The following UBAP1 variants were observed in gnomAD, a reference collection of about 807,000 sequenced individuals.
UBAP1 encodes ubiquitin-associated protein 1.
UBAP1 carries 5 observed loss-of-function variants against 39.0 expected under a neutral mutation model. The observed-to-expected ratio is 0.13, with a 90% CI of 0.07 to 0.27. UBAP1 has a LOEUF of 0.27. UBAP1 is among the 10% of genes least tolerant of loss of function. The pLI, the probability that UBAP1 is intolerant of heterozygous loss-of-function variation, is 1.00. For missense variants in UBAP1, 490 were observed against 608.1 expected (o/e 0.81, Z 2.04); for synonymous variants, 211 against 225.1 (o/e 0.94, Z 0.56).
At chr9:34,212,304 C>T (rs1832059905) in intron 1 of UBAP1, among the ~76,000 whole-genome samples, 1 of 151,594 alleles carries the variant, frequency 6.6e-6, no homozygotes, top group Non-Finnish European at 1.5e-5. Context: ...GTAATCCTAG[C>T]ACTTTGGGAG....
intron 1 of UBAP1, among the ~76,000 whole-genome samples, chr9:34,179,867 A>T (rs973406230): frequency 6.6e-6 from 1 of 152,240 alleles, no homozygotes; most frequent in South Asian, 2.1e-4. Context: ...TATTTGAGCT[A>T]TATCAGTGAT....
At chr9:34,194,366 G>A (rs1830903702) in intron 1 of UBAP1, among the ~76,000 whole-genome samples, 1 of 151,090 alleles carries the variant, frequency 6.6e-6, no homozygotes, top group African/African-American at 2.4e-5. Context: ...CCTGGCTGGA[G>A]TGCAGTGGCA....
Position 34,252,221 on chromosome 9 carries a change from T to G in UBAP1, c.*689T>G, listed in dbSNP as rs1047142303. On this transcript the variant is annotated 3_prime_UTR_variant, in exon 7 of 7. Transcript: ENST00000297661. ...TAGAGCCCCTGCTCTAGGAAACAGT[T>G]TAAGAAATCATTGGCCCCTTCCCAG... 1 of 152,590 alleles carries G rather than the reference T, an allele frequency of 6.6e-6. No homozygotes were observed. The highest frequency in any genetic ancestry group is 2.4e-5 in the African/African-American group (1 of 41,430). 9.5% of individuals were successfully genotyped at this position (152,590 alleles called of 1,614,324 possible).
intron 1 of UBAP1, among the ~76,000 whole-genome samples, chr9:34,219,025 C>T (rs925164566): frequency 3.9e-5 from 6 of 152,186 alleles, no homozygotes; most frequent in African/African-American, 1.4e-4. Flanking sequence ...AAATTTAATT[C>T]TCCATGAACT....
At chr9:34,225,644 G>T (rs981457246) in intron 2 of UBAP1, among the ~76,000 whole-genome samples, 13 of 151,880 alleles carry the variant, frequency 8.6e-5, no homozygotes, top group Admixed American at 7.2e-4. Flanking sequence ...GCCGAGCATG[G>T]TGGCTGGTGC....
At chr9:34,204,528 T>C (rs1236546226) in intron 1 of UBAP1, among the ~76,000 whole-genome samples, 2 of 151,858 alleles carry the variant, frequency 1.3e-5, no homozygotes, top group Non-Finnish European at 2.9e-5. Flanking sequence ...TAAGATGAAG[T>C]CTTGTGCTAT....
At chr9:34,193,059 G>C (rs954755679) in intron 1 of UBAP1, among the ~76,000 whole-genome samples, 3 of 152,112 alleles carry the variant, frequency 2.0e-5, no homozygotes, top group South Asian at 4.1e-4. Context: ...GTAATTCCCA[G>C]AACTTTGGGA....
rs1833046222 is a variant in UBAP1, at chr9:34,226,113, G to GTGTGTA, written c.34+5170_34+5171insATGTGT. ...AGTTTCCTCCTACTCTATTGTGTGT[G>GTGTGTA]TGTGTGTGTGTGTGTGTGTGTGTGT... is the stretch of plus-strand genomic sequence containing the variant. On this transcript the variant is annotated intron_variant, in intron 2 of 6. Coordinates refer to ENST00000297661, the MANE Select transcript of UBAP1 (RefSeq NM_016525.5). Among the ~76,000 whole-genome samples the GTGTGTA allele has an allele frequency of 3.4e-5, 3 of 89,294 alleles. No individual in the cohort carries two copies. In the Admixed American group the frequency reaches 3.8e-4, roughly 11 times the overall value. The allele number at this position is 89,294 out of a possible 152,430, so 58.6% of individuals were successfully genotyped here. A position where few individuals can be genotyped will look rare whatever the true frequency, so the allele number is the denominator to read the frequency against.
At chr9:34,181,594 G>C (rs1045142036) in intron 1 of UBAP1, among the ~76,000 whole-genome samples, 2 of 147,238 alleles carry the variant, frequency 1.4e-5, no homozygotes, top group Non-Finnish European at 1.5e-5. Flanking sequence ...CACCACGCCC[G>C]GCTAATTTTT....
rs374411930 is a variant in UBAP1, at chr9:34,251,353, C to T, written c.1369-39C>T. 246 of 1,610,430 alleles carry T rather than the reference C, an allele frequency of 1.5e-4. 3 individuals carry two copies. In the African/African-American group the frequency reaches 2.8e-3, roughly 19 times the overall value. On this transcript the variant is annotated intron_variant, in intron 6 of 6. Coordinates refer to ENST00000297661, the MANE Select transcript of UBAP1 (RefSeq NM_016525.5). The stretch of plus-strand genomic sequence containing the variant: ...CCTTCACTCAGCTGTGCTGTGACCC[C>T]ACCCTTTTCTTTAATCTGTGTTCTC...
rs372143824 is a variant in UBAP1 at position 34,194,807 on chromosome 9, T to C, written c.-8+15567T>C. The stretch of plus-strand genomic sequence containing the variant: ...GTTACTATTATCTCTATTTTATTTT[T>C]CTTTTTTCAGCCAGTCAAATTTAGC... On this transcript the variant is annotated intron_variant, in intron 1 of 6. Transcript: ENST00000297661. Among the ~76,000 whole-genome samples the C allele has an allele frequency of 1.7e-4, 26 of 152,356 alleles. No individual in the cohort carries two copies. The East Asian group carries it at 5.0e-3, about 29-fold the overall frequency.
At chr9:34,251,126 G>A (rs1431358409) in intron 6 of UBAP1, among the ~76,000 whole-genome samples, 1 of 152,178 alleles carries the variant, frequency 6.6e-6, no homozygotes, top group Non-Finnish European at 1.5e-5. Flanking sequence ...GATGTGGGTG[G>A]TGGGACCCAG....
At chr9:34,210,190 G>T (rs1055987120) in intron 1 of UBAP1, among the ~76,000 whole-genome samples, 1 of 152,140 alleles carries the variant, frequency 6.6e-6, no homozygotes, top group Admixed American at 6.5e-5. Flanking sequence ...GTGACCTCTT[G>T]TTGGCCTTCC....
chr9:34,236,647 A>C (rs1475931891), intron 3 of UBAP1, among the ~76,000 whole-genome samples: 1 of 151,844 alleles, frequency 6.6e-6, no homozygotes, highest in African/African-American at 2.4e-5. Flanking sequence ...TCAGTCACTC[A>C]AGTTAGATTT....
chr9:34,187,026 G>C (rs1830443672), intron 1 of UBAP1, among the ~76,000 whole-genome samples: 1 of 152,114 alleles, frequency 6.6e-6, no homozygotes, highest in Non-Finnish European at 1.5e-5. Context: ...TCCTGTCTCA[G>C]CCTCCCGAGT....
At chr9:34,208,904 G>A (rs1462319641) in intron 1 of UBAP1, among the ~76,000 whole-genome samples, 3 of 151,696 alleles carry the variant, frequency 2.0e-5, no homozygotes, top group African/African-American at 2.4e-5. Context: ...GGAGTGAGCC[G>A]AGATCAAGCT....
intron 1 of UBAP1, among the ~76,000 whole-genome samples, chr9:34,208,604 C>T (rs547544112): frequency 6.6e-6 from 1 of 152,024 alleles, no homozygotes; most frequent in East Asian, 2.0e-4. Context: ...AGTGAAATCC[C>T]GTCTCTACTA....
At chr9:34,215,555 G>A (rs570521319) in intron 1 of UBAP1, among the ~76,000 whole-genome samples, 25 of 151,102 alleles carry the variant, frequency 1.7e-4, no homozygotes, top group African/African-American at 6.1e-4. Context: ...GGGGGGTGAG[G>A]GATAAAAGAC....
rs1345672728 is a variant in UBAP1 at position 34,241,480 on chromosome 9, C to T, written c.455C>T (p.Ala152Val). ...QKVLSPPHIKADFNLADFECE... is the reference protein window; with the variant it reads ...QKVLSPPHIKVDFNLADFECE... ...GTTCTCAGCCCACCTCACATAAAGG[C>T]GGATTTCAATCTTGCTGACTTTGAG... The change falls in exon 4 of 7, where the codon GCG (alanine) becomes GTG (valine). Residue 152 changes from alanine (A) to valine (V), a missense_variant. Physicochemically the swap from Ala to Val is moderately conservative, Grantham distance 64. Transcript: ENST00000297661. 19 of 1,613,660 alleles carry T rather than the reference C, an allele frequency of 1.2e-5. No individual in the cohort carries two copies. Among genetic ancestry groups the T allele is most frequent in the African/African-American group, 6.7e-5 (5 of 74,980 alleles).
Sources: allele counts gnomAD v4.1 joint callset (sites outside exome capture counted in the v4.1 genomes callset), GRCh38; gene constraint gnomAD v4.1.1; transcripts MANE v1.5; gene names NCBI Gene and HGNC (gene_info 2026-07-23, HGNC 2026-07-21).